The following BTBD9 variants were observed in gnomAD, a reference collection of about 807,000 sequenced individuals.
The protein encoded by BTBD9 is BTB/POZ domain-containing protein 9.
A neutral mutation model predicts 64.3 loss-of-function variants in BTBD9; 49 were observed. The ratio of observed to expected loss-of-function variants is 0.76; its 90% CI spans 0.61 to 0.97. The LOEUF (loss-of-function observed/expected upper bound fraction) is 0.97. Among genes scored for constraint, BTBD9 ranks in the 50% least tolerant of loss-of-function variants. The pLI, the probability that BTBD9 is intolerant of heterozygous loss-of-function variation, is 0.00. For synonymous variants in BTBD9, 260 were observed against 274.7 expected (o/e 0.95, Z 0.53); for missense variants, 598 against 762.1 (o/e 0.78, Z 2.53).
chr6:38,223,440 T>C (rs1333976914), intron 9 of BTBD9, among the ~76,000 whole-genome samples: 1 of 152,120 alleles, frequency 6.6e-6, no homozygotes, highest in African/African-American at 2.4e-5. Context: ...GCTCAAGCAA[T>C]CCTCCCACCT....
At chr6:38,571,059 T>TA (rs1354423319) in intron 6 of BTBD9, among the ~76,000 whole-genome samples, 7 of 152,236 alleles carry the variant, frequency 4.6e-5, no homozygotes, top group African/African-American at 1.4e-4. Flanking sequence ...AGGTTGTAGG[T>TA]AGATGGACAA....
intron 7 of BTBD9, among the ~76,000 whole-genome samples, chr6:38,313,410 C>T (rs1762914329): frequency 6.6e-6 from 1 of 152,178 alleles, no homozygotes; most frequent in Admixed American, 6.5e-5. Flanking sequence ...ACTTCCACTA[C>T]TATGTTGAAA....
Position 38,222,472 on chromosome 6 carries a change from G to A in BTBD9, c.1563-29875C>T, listed in dbSNP as rs867266689. ...GACGGGGTTTCACCGTGTTAGCCAG[G>A]ATGGTCTCGATCTCCTGACCTCGTG... On this transcript the variant is annotated intron_variant, in intron 9 of 10. Transcript: ENST00000481247. Among the ~76,000 whole-genome samples, 6 of 151,972 alleles carry A rather than the reference G, an allele frequency of 3.9e-5. No homozygotes were observed. In the South Asian group the frequency reaches 1.2e-3, roughly 32 times the overall value.
chr6:38,212,353 A>C (rs193147103), intron 9 of BTBD9, among the ~76,000 whole-genome samples: 263 of 152,286 alleles, frequency 1.7e-3, no homozygotes, highest in African/African-American at 5.1e-3. Context: ...TATACAGAAC[A>C]AGCTGGGCTA....
intron 6 of BTBD9, among the ~76,000 whole-genome samples, chr6:38,523,838 A>T (rs1467321861): frequency 6.6e-6 from 1 of 152,202 alleles, no homozygotes; most frequent in Non-Finnish European, 1.5e-5. Flanking sequence ...CAGAAAAGCT[A>T]AACAACTGCT....
At chr6:38,217,152 CAAAAA>C (rs35599057) in intron 9 of BTBD9, among the ~76,000 whole-genome samples, 1 of 121,832 alleles carries the variant, frequency 8.2e-6, no homozygotes, top group African/African-American at 3.2e-5. Context: ...ACTAAGGATA[CAAAAA>C]AAAAAAAAAA....
intron 7 of BTBD9, among the ~76,000 whole-genome samples, chr6:38,303,721 G>A (rs1212389829): frequency 6.6e-6 from 1 of 151,494 alleles, no homozygotes; most frequent in African/African-American, 2.4e-5. Flanking sequence ...AAAAAAGGCT[G>A]GGATCAGCAC....
intron 6 of BTBD9, among the ~76,000 whole-genome samples, chr6:38,573,501 T>C (rs1775877386): frequency 6.6e-6 from 1 of 152,146 alleles, no homozygotes; most frequent in African/African-American, 2.4e-5. Flanking sequence ...ACAACGCTCC[T>C]AATCCTCCTC....
At chr6:38,639,371 C>T (rs1448053341) in intron 1 of BTBD9, among the ~76,000 whole-genome samples, 1 of 152,192 alleles carries the variant, frequency 6.6e-6, no homozygotes, top group Non-Finnish European at 1.5e-5. Flanking sequence ...TACTCAGAGG[C>T]TGGCCAGGGC....
chr6:38,401,292 C>T (rs1766916618), intron 6 of BTBD9, among the ~76,000 whole-genome samples: 1 of 152,158 alleles, frequency 6.6e-6, no homozygotes, highest in Non-Finnish European at 1.5e-5. Flanking sequence ...GTAAAATGTG[C>T]CTTGCTTCCT....
At position 38,594,117 on chromosome 6, in the gene BTBD9, A is replaced by C; in HGVS notation, c.396T>G (p.Tyr132Ter). Residue 132 changes from tyrosine (Y) to a stop codon, truncating the protein, a stop_gained, in exon 3 of 11, where the codon TAT becomes TAG. Coordinates refer to ENST00000481247, the MANE Select transcript of BTBD9 (RefSeq NM_001099272.2). LOFTEE classifies it high-confidence loss of function. ...FPELEDSTSE[Y>*]LCTILNIQNV... ...TCTGAATGTTAAGTATGGTGCAGAG[A>C]TACTCAGAGGTAGAATCCTCTAGCT... 6.2e-7 allele frequency: 1 copy of C among 1,614,204 alleles called. No homozygotes were observed.
At chr6:38,588,005 C>T (rs947609934) in intron 4 of BTBD9, 7 of 741,394 alleles carry the variant, frequency 9.4e-6, no homozygotes, top group Non-Finnish European at 1.8e-5. Flanking sequence ...AGGAGTTCAG[C>T]CACAGCAACC....
intron 6 of BTBD9, among the ~76,000 whole-genome samples, chr6:38,455,775 C>G (rs938257160): frequency 6.6e-6 from 1 of 152,174 alleles, no homozygotes; most frequent in Non-Finnish European, 1.5e-5. Context: ...ATGGCGCGAT[C>G]TCGGCTCACC....
intron 6 of BTBD9, among the ~76,000 whole-genome samples, chr6:38,370,245 C>T (rs554831707): frequency 6.6e-6 from 1 of 152,246 alleles, no homozygotes; most frequent in East Asian, 1.9e-4. Context: ...CTCAGCCTGC[C>T]TCTTTGAATA....
chr6:38,474,715 TTG>T (rs1770801735), intron 6 of BTBD9, among the ~76,000 whole-genome samples: 2 of 152,150 alleles, frequency 1.3e-5, no homozygotes, highest in South Asian at 4.1e-4. Context: ...GTATTTCCAC[TTG>T]TTCCAGCATA....
intron 9 of BTBD9, among the ~76,000 whole-genome samples, chr6:38,224,525 G>C (rs1763323395): frequency 6.6e-6 from 1 of 152,126 alleles, no homozygotes; most frequent in Non-Finnish European, 1.5e-5. Context: ...TCACACAAAG[G>C]CTTTTTAGAG....
chr6:38,263,772 C>T (rs1764873400), intron 8 of BTBD9, among the ~76,000 whole-genome samples: 1 of 152,164 alleles, frequency 6.6e-6, no homozygotes, highest in Admixed American at 6.5e-5. Flanking sequence ...CCGAGTTTCT[C>T]CTCTAGTATT....
At chr6:38,418,445 G>A (rs1228147512) in intron 6 of BTBD9, among the ~76,000 whole-genome samples, 1 of 152,202 alleles carries the variant, frequency 6.6e-6, no homozygotes. Flanking sequence ...AGGATGCAGA[G>A]AGAAGAGAAT....
rs141960965 is a variant in BTBD9, at chr6:38,202,573, C to A, written c.1563-9976G>T. 1.4e-4 allele frequency among the ~76,000 whole-genome samples: 21 copies of A among 152,092 alleles called. No individual in the cohort carries two copies. In the East Asian group the frequency reaches 4.1e-3, roughly 29 times the overall value. ...CAGATGGTATGAGTATAAAAACAGC[C>A]CAACAGAGTATACTGGAACACCCAG... On this transcript the variant is annotated intron_variant, in intron 9 of 10. Transcript: ENST00000481247.
Sources: allele counts gnomAD v4.1 joint callset (sites outside exome capture counted in the v4.1 genomes callset), GRCh38; gene constraint gnomAD v4.1.1; transcripts MANE v1.5; gene names NCBI Gene and HGNC (gene_info 2026-07-23, HGNC 2026-07-21).